PARD3B: variants seen among roughly 807,000 people sequenced by gnomAD.
PARD3B encodes partitioning defective 3 homolog B.
Under a neutral mutation model 130.2 loss-of-function variants are expected in PARD3B, and 103 were observed. That is an observed-to-expected ratio of 0.79 (90% CI 0.67 to 0.93). The LOEUF (loss-of-function observed/expected upper bound fraction) is 0.93. PARD3B is among the 40% of genes least tolerant of loss of function. The pLI is 0.00. For missense variants in PARD3B, 1,609 were observed against 1,499.2 expected (o/e 1.07, Z -1.21); for synonymous variants, 583 against 553.2 (o/e 1.05, Z -0.76).
intron 6 of PARD3B, among the ~76,000 whole-genome samples, chr2:205,118,482 C>A (rs1438013195): frequency 6.6e-6 from 1 of 152,266 alleles, no homozygotes; most frequent in Middle Eastern, 3.4e-3. Flanking sequence ...TCTTAAAATG[C>A]AAATTTTTAG....
chr2:205,081,298 GC>G (rs1415466211), intron 4 of PARD3B, among the ~76,000 whole-genome samples: 1 of 151,188 alleles, frequency 6.6e-6, no homozygotes, highest in East Asian at 1.9e-4. Context: ...TTTTTCTGTG[GC>G]ATAATCTAGA....
chr2:204,968,009 T>A (rs1691397262), intron 3 of PARD3B, among the ~76,000 whole-genome samples: 2 of 152,126 alleles, frequency 1.3e-5, no homozygotes, highest in Admixed American at 1.3e-4. Context: ...AGGCCCTTCA[T>A]CTCCCTTCCC....
At chr2:205,305,301 T>C (rs2042151007) in intron 18 of PARD3B, among the ~76,000 whole-genome samples, 1 of 152,164 alleles carries the variant, frequency 6.6e-6, no homozygotes, top group Non-Finnish European at 1.5e-5. Context: ...GCATGTAGCA[T>C]GAGTGACTCC....
chr2:204,891,968 G>A lies in PARD3B; in HGVS notation c.223-73184G>A, dbSNP rs368733622. On this transcript the variant is annotated intron_variant, in intron 2 of 22. Coordinates refer to ENST00000406610, the MANE Select transcript of PARD3B (RefSeq NM_001302769.2). ...TACATGGCAACCAGTGGAATGCTTAGCATTGATTATTCATTTATTTATTTA... is the reference window on the plus strand; with the variant it reads ...TACATGGCAACCAGTGGAATGCTTAACATTGATTATTCATTTATTTATTTA... Among the ~76,000 whole-genome samples the A allele has an allele frequency of 3.9e-5, 6 of 152,246 alleles. No homozygotes were observed. The East Asian group carries it at 9.7e-4, about 24-fold the overall frequency.
chr2:205,338,356 A>G (rs906347973), intron 18 of PARD3B, among the ~76,000 whole-genome samples: 5 of 152,076 alleles, frequency 3.3e-5, no homozygotes, highest in Non-Finnish European at 7.4e-5. Context: ...CCACTTTGTC[A>G]TCTGTTCCCA....
intron 21 of PARD3B, among the ~76,000 whole-genome samples, chr2:205,523,164 CCTGTTTTATATACCCTTTT>C (rs2051156469): frequency 6.7e-6 from 1 of 149,676 alleles, no homozygotes; most frequent in African/African-American, 2.5e-5. Flanking sequence ...TTTTAGGCTT[CCTGTTTTATATACCCTTTT>C]CTGTTTTCTT....
intron 15 of PARD3B, among the ~76,000 whole-genome samples, chr2:205,200,287 T>A (rs1028992018): frequency 2.0e-5 from 3 of 152,156 alleles, no homozygotes; most frequent in African/African-American, 7.2e-5. Flanking sequence ...CTGATAAAAC[T>A]CAACAGAATT....
chr2:204,851,844 C>T (rs907566142), intron 2 of PARD3B, among the ~76,000 whole-genome samples: 1 of 152,060 alleles, frequency 6.6e-6, no homozygotes, highest in Non-Finnish European at 1.5e-5. Flanking sequence ...AGGCACCCAC[C>T]ACCATGCCCG....
intron 22 of PARD3B, among the ~76,000 whole-genome samples, chr2:205,612,483 TAGTC>T (rs1259205841): frequency 2.0e-5 from 3 of 152,078 alleles, no homozygotes; most frequent in African/African-American, 4.8e-5. Flanking sequence ...ACACACATAA[TAGTC>T]AGAAGAACTT....
Position 204,771,712 on chromosome 2 carries a change from C to T in PARD3B, c.222+85430C>T, listed in dbSNP as rs146533901. 3.4e-3 allele frequency among the ~76,000 whole-genome samples: 519 copies of T among 152,174 alleles called. 2 individuals are homozygous for T. The highest frequency in any genetic ancestry group is 4.9e-3 in the Non-Finnish European group (331 of 67,980). On this transcript the variant is annotated intron_variant, in intron 2 of 22. Coordinates refer to ENST00000406610, the MANE Select transcript of PARD3B (RefSeq NM_001302769.2). ...AGTTGCTGTTTTTTATTTAAAGAGA[C>T]ACTTTTTCCCATGTCTTTAAAAACA...
chr2:205,440,827 A>T lies in PARD3B; in HGVS notation c.3044+155A>T, dbSNP rs1022675680. Reference sequence around the variant, plus strand: ...TGCCATCCTTTGACCGACCTGTAAGATATCCACCATCAAAAATAAAACAAT... The same window carrying T: ...TGCCATCCTTTGACCGACCTGTAAGTTATCCACCATCAAAAATAAAACAAT... On this transcript the variant is annotated intron_variant, in intron 20 of 22. Transcript: ENST00000406610. The surrounding 1 kb of genome is among the most constrained non-coding windows in gnomAD (Gnocchi z 4.2). Among the ~76,000 whole-genome samples, 2 of 152,254 alleles carry T rather than the reference A, an allele frequency of 1.3e-5. No individual in the cohort carries two copies. The highest frequency in any genetic ancestry group is 6.5e-5 in the Admixed American group (1 of 15,278).
Position 204,852,386 on chromosome 2 carries a change from A to G in PARD3B, c.223-112766A>G, listed in dbSNP as rs557880361. Among the ~76,000 whole-genome samples the G allele has an allele frequency of 2.6e-5, 4 of 152,260 alleles. No individual in the cohort carries two copies. The East Asian group carries it at 5.8e-4, about 22-fold the overall frequency. The stretch of plus-strand genomic sequence containing the variant: ...GGACTGTTACAACTTAGGGTAATAA[A>G]TAAAGTTAATTTCATAATAAAGCAT... On this transcript the variant is annotated intron_variant, in intron 2 of 22. Transcript: ENST00000406610.
chr2:205,079,237 T>C (rs1701255789), intron 4 of PARD3B, among the ~76,000 whole-genome samples: 1 of 152,236 alleles, frequency 6.6e-6, no homozygotes. Context: ...TAAATTACTT[T>C]ATCTCAAAAA....
At chr2:204,817,105 G>T (rs964049633) in intron 2 of PARD3B, among the ~76,000 whole-genome samples, 6 of 151,920 alleles carry the variant, frequency 3.9e-5, no homozygotes, top group African/African-American at 1.5e-4. Flanking sequence ...ATCTATATTT[G>T]AGTTTTTGAA....
At position 205,294,143 on chromosome 2, in the gene PARD3B, C is replaced by A. The variant is rs184692451; in HGVS notation, c.2186-6387C>A. ...TGTTTGTTCATTTTGTTTTTTTAAT[C>A]CAGTAGAGTCTTTCTAAGGGAGGAA... On this transcript the variant is annotated intron_variant, in intron 16 of 22. Coordinates refer to ENST00000406610, the MANE Select transcript of PARD3B (RefSeq NM_001302769.2). Among the ~76,000 whole-genome samples the A allele has an allele frequency of 1.5e-4, 23 of 151,420 alleles. No homozygotes were observed. The East Asian group carries it at 3.7e-3, about 24-fold the overall frequency.
chr2:204,925,066 T>G (rs1687498071), intron 2 of PARD3B, among the ~76,000 whole-genome samples: 1 of 151,094 alleles, frequency 6.6e-6, no homozygotes, highest in South Asian at 2.1e-4. Flanking sequence ...CAGGTATCTA[T>G]GTATATAAGA....
chr2:205,384,504 T>C (rs1464864325), intron 18 of PARD3B, among the ~76,000 whole-genome samples: 1 of 152,116 alleles, frequency 6.6e-6, no homozygotes, highest in Non-Finnish European at 1.5e-5. Flanking sequence ...ACTTGTTGAT[T>C]CAATGATGGA....
intron 2 of PARD3B, among the ~76,000 whole-genome samples, chr2:204,951,829 T>G (rs1194074204): frequency 6.6e-6 from 1 of 152,156 alleles, no homozygotes; most frequent in Non-Finnish European, 1.5e-5. Flanking sequence ...CAAGAAATGA[T>G]GAAAAGAGGA....
chr2:204,765,089 T>A (rs2041085804), intron 2 of PARD3B, among the ~76,000 whole-genome samples: 1 of 152,116 alleles, frequency 6.6e-6, no homozygotes, highest in Non-Finnish European at 1.5e-5. Context: ...TGGGATTTGG[T>A]TAACTGAGAG....
Sources: allele counts gnomAD v4.1 joint callset (sites outside exome capture counted in the v4.1 genomes callset), GRCh38; gene constraint gnomAD v4.1.1; non-coding constraint Gnocchi (gnomAD v3.1); transcripts MANE v1.5; gene names NCBI Gene and HGNC (gene_info 2026-07-23, HGNC 2026-07-21).